Variants in LRP1B observed in about 807,000 individuals in gnomAD.
The protein encoded by LRP1B is low-density lipoprotein receptor-related protein 1B.
LRP1B carries 217 observed loss-of-function variants against 556.6 expected under a neutral mutation model. The observed-to-expected ratio is 0.39, with a 90% confidence interval of 0.35 to 0.44. LRP1B has a LOEUF of 0.44. Ranked by LOEUF, LRP1B falls within the 20% of genes least tolerant of loss-of-function variation. The pLI, the probability that LRP1B is intolerant of heterozygous loss-of-function variation, is 1.00. For synonymous variants in LRP1B, 2,047 were observed against 1,865.8 expected, an observed-to-expected ratio of 1.10 and a Z score of -2.50; for missense variants, 5,053 against 5,620.8, an observed-to-expected ratio of 0.90 and a Z score of 3.23.
chr2:140,272,987 G>A (rs557721459), intron 85 of LRP1B, among the ~76,000 whole-genome samples: 1 of 152,016 alleles, frequency 6.6e-6, no homozygotes, highest in Non-Finnish European at 1.5e-5. Flanking sequence ...TTTTGGAGAA[G>A]GGACTTTTGA....
chr2:140,364,195 GGATA>G (rs1351337541), intron 72 of LRP1B, among the ~76,000 whole-genome samples: 5 of 151,450 alleles, frequency 3.3e-5, no homozygotes, highest in Non-Finnish European at 4.4e-5. Context: ...ACAGATATGT[GGATA>G]GATAGATATA....
At chr2:141,888,248 C>T (rs1263244956) in intron 1 of LRP1B, among the ~76,000 whole-genome samples, 1 of 152,166 alleles carries the variant, frequency 6.6e-6, no homozygotes, top group African/African-American at 2.4e-5. Context: ...TATTGTATTG[C>T]TATTTCCCAG....
At chr2:140,506,962 GT>G in intron 52 of LRP1B, 44 bp from the exon 53 acceptor site, 1 of 1,591,746 alleles carries the variant, frequency 6.3e-7, no homozygotes, top group Non-Finnish European at 8.6e-7. Flanking sequence ...GAGCACATAT[GT>G]TATCTTCCCC....
intron 1 of LRP1B, among the ~76,000 whole-genome samples, chr2:141,813,411 C>A (rs1696423534): frequency 6.6e-6 from 1 of 152,028 alleles, no homozygotes; most frequent in East Asian, 1.9e-4. Context: ...GTGAGAGTGA[C>A]ACCCATTTGA....
At chr2:141,874,350 C>A (rs1367730023) in intron 1 of LRP1B, among the ~76,000 whole-genome samples, 1 of 151,536 alleles carries the variant, frequency 6.6e-6, no homozygotes, top group Non-Finnish European at 1.5e-5. Context: ...GGTCTGGGCA[C>A]ATAGTGCTTT....
intron 2 of LRP1B, among the ~76,000 whole-genome samples, chr2:141,717,639 T>C (rs1355798398): frequency 6.6e-6 from 1 of 152,214 alleles, no homozygotes; most frequent in African/African-American, 2.4e-5. Context: ...CAGATTTTTC[T>C]CTCTGAAAGG....
At chr2:142,021,696 C>T (rs567020282) in intron 1 of LRP1B, among the ~76,000 whole-genome samples, 1 of 151,746 alleles carries the variant, frequency 6.6e-6, no homozygotes, top group African/African-American at 2.4e-5. Context: ...AATTAGCAGC[C>T]CTATGGAATG....
At chr2:140,507,422 A>G (rs1319735750) in intron 52 of LRP1B, among the ~76,000 whole-genome samples, 1 of 152,190 alleles carries the variant, frequency 6.6e-6, no homozygotes, top group South Asian at 2.1e-4. Flanking sequence ...AAAAAATAAA[A>G]TAAAACTTTT....
At chr2:142,053,007 G>A (rs930934181) in intron 1 of LRP1B, among the ~76,000 whole-genome samples, 2 of 152,086 alleles carry the variant, frequency 1.3e-5, no homozygotes, top group Non-Finnish European at 2.9e-5. Context: ...CAACTGCCTA[G>A]ATAGTTGCTT....
chr2:141,239,818 G>A (rs1683795541), intron 5 of LRP1B, among the ~76,000 whole-genome samples: 1 of 151,988 alleles, frequency 6.6e-6, no homozygotes, highest in Non-Finnish European at 1.5e-5. Context: ...ATTATCTAGT[G>A]ATGGGAAAAA....
At chr2:141,620,501 TTC>T (rs1346104184) in intron 2 of LRP1B, among the ~76,000 whole-genome samples, 2 of 152,228 alleles carry the variant, frequency 1.3e-5, no homozygotes, top group Non-Finnish European at 2.9e-5. Context: ...ACAGGTTTTA[TTC>T]TCTCTCTAGA....
At chr2:141,252,301 G>A (rs146122250) in intron 4 of LRP1B, among the ~76,000 whole-genome samples, 86 of 151,660 alleles carry the variant, frequency 5.7e-4, no homozygotes, top group African/African-American at 2.0e-3. Context: ...TGACTTCTGC[G>A]AATATCCAAA....
Position 141,155,480 on chromosome 2 carries a change from A to T in LRP1B, c.1013+32941T>A, listed in dbSNP as rs536308438. ...ATTTTTATTTTATTTTTTTCTTTTT[A>T]TTATTATTTTTTTTTATTTTAAGTT... On this transcript the variant is annotated intron_variant, in intron 7 of 90. Coordinates refer to ENST00000389484, the MANE Select transcript of LRP1B (RefSeq NM_018557.3). Among the ~76,000 whole-genome samples the T allele has an allele frequency of 2.0e-5, 3 of 150,152 alleles. No homozygotes were observed. In the South Asian group the frequency reaches 6.3e-4, roughly 32 times the overall value.
chr2:140,331,754 G>A (rs1680827719), intron 79 of LRP1B, among the ~76,000 whole-genome samples: 1 of 150,980 alleles, frequency 6.6e-6, no homozygotes, highest in Non-Finnish European at 1.5e-5. Context: ...GGAGTGTAAT[G>A]GTGGGATCTT....
intron 1 of LRP1B, among the ~76,000 whole-genome samples, chr2:142,107,208 A>G (rs1044906662): frequency 1.4e-4 from 21 of 152,298 alleles, no homozygotes; most frequent in Admixed American, 1.2e-3. Flanking sequence ...GGTTGATGCT[A>G]TGTTTTAAAT....
At chr2:141,157,085 C>T (rs765377601) in intron 7 of LRP1B, among the ~76,000 whole-genome samples, 178 of 151,800 alleles carry the variant, frequency 1.2e-3, no homozygotes, top group Non-Finnish European at 1.8e-3. Flanking sequence ...ATTAAAAAAA[C>T]GAAGATGTTT....
In LRP1B at chr2:140,356,412, T is replaced by G. The variant is rs1289922423; in HGVS notation, c.11460A>C (p.Gln3820His). The change falls in exon 75 of 91, where the codon CAA (glutamine) becomes CAC (histidine). Residue 3820 changes from glutamine (Q) to histidine (H), a missense_variant. Physicochemically the swap from Gln to His is conservative, Grantham distance 24. Around this residue, in one of 5 missense-constraint regions of LRP1B, gnomAD observed 599 missense variants for 648.4 expected, o/e 0.92. Transcript: ENST00000389484. ...AGCGACAGAAAACAGATGTTTTTAT[T>G]TGATTACAATATGCATCATCTCCAC... ...NPCGDDAYCN[Q>H]IKTSVFCRCK... 6.2e-7 allele frequency: 1 copy of G among 1,609,670 alleles called. No individual in the cohort carries two copies.
intron 32 of LRP1B, among the ~76,000 whole-genome samples, chr2:140,802,330 G>A (rs952782308): frequency 2.6e-5 from 4 of 152,120 alleles, no homozygotes; most frequent in Admixed American, 2.6e-4. Context: ...TATTTCCTAT[G>A]TCATCATTGA....
At chr2:140,613,499 T>C (rs1369226112) in intron 41 of LRP1B, among the ~76,000 whole-genome samples, 1 of 149,312 alleles carries the variant, frequency 6.7e-6, no homozygotes, top group Non-Finnish European at 1.5e-5. Flanking sequence ...AGGCTTTTAG[T>C]GAATGTAGGA....
Sources: gnomAD v4.1 joint callset for allele counts (sites outside exome capture counted in the v4.1 genomes callset) on GRCh38, gnomAD v4.1.1 for gene constraint, gnomAD v4.1.1 regional missense constraint, MANE v1.5 for transcripts, NCBI Gene and HGNC (gene_info 2026-07-23, HGNC 2026-07-21) for gene names.